The following MBD2 variants were observed in gnomAD, a reference collection of about 807,000 sequenced individuals.
MBD2 encodes methyl-CpG binding domain protein 2.
A neutral mutation model predicts 39.3 loss-of-function variants in MBD2; 9 were observed. The observed-to-expected ratio is 0.23, with a 90% confidence interval of 0.14 to 0.40. The LOEUF (loss-of-function observed/expected upper bound fraction) is 0.40. Among genes scored for constraint, MBD2 ranks in the 10% least tolerant of loss-of-function variants. The pLI, the probability that MBD2 is intolerant of heterozygous loss-of-function variation, is 1.00. For missense variants in MBD2, 458 were observed against 532.6 expected, an observed-to-expected ratio of 0.86 and a Z score of 1.38; for synonymous variants, 233 against 211.1, an observed-to-expected ratio of 1.10 and a Z score of -0.90.
chr18:54,155,943 AG>A (rs1028403743), intron 6 of MBD2, among the ~76,000 whole-genome samples: 9 of 152,340 alleles, frequency 5.9e-5, no homozygotes, highest in Admixed American at 3.9e-4. Flanking sequence ...TAAGTAACAC[AG>A]TAAATTGCGG....
At chr18:54,167,246 A>G (rs2086140759) in intron 3 of MBD2, among the ~76,000 whole-genome samples, 1 of 152,210 alleles carries the variant, frequency 6.6e-6, no homozygotes, top group Admixed American at 6.5e-5. Context: ...TCTGGGGGAC[A>G]CACAAACCCA....
At chr18:54,165,988 G>T in intron 4 of MBD2, 88 bp downstream of exon 4, 1 of 879,484 alleles carries the variant, frequency 1.1e-6, no homozygotes, top group Non-Finnish European at 1.8e-6. Context: ...CCTCCTGTCA[G>T]TCATTGCTGA....
intron 3 of MBD2, among the ~76,000 whole-genome samples, chr18:54,185,210 T>C (rs2086277614): frequency 6.6e-6 from 1 of 152,168 alleles, no homozygotes; most frequent in Non-Finnish European, 1.5e-5. Flanking sequence ...GGCTGGCTTC[T>C]GGAAGTAGGT....
intron 1 of MBD2, among the ~76,000 whole-genome samples, chr18:54,220,342 C>T (rs1484715885): frequency 4.0e-5 from 6 of 151,886 alleles, no homozygotes; most frequent in Admixed American, 3.9e-4. Flanking sequence ...ATATATGAAC[C>T]ACCACAACAC....
chr18:54,214,380 T>C (rs1423359786), intron 1 of MBD2, among the ~76,000 whole-genome samples: 1 of 151,996 alleles, frequency 6.6e-6, no homozygotes, highest in African/African-American at 2.4e-5. Context: ...AAATTTTTTG[T>C]AGGGACAGGA....
At chr18:54,203,208 A>G in intron 2 of MBD2, 1 of 1,453,076 alleles carries the variant, frequency 6.9e-7, no homozygotes, top group Non-Finnish European at 9.4e-7. Flanking sequence ...TAACATAACT[A>G]AACTGTGGTT....
chr18:54,192,819 AAT>A (rs2086331205), intron 2 of MBD2, among the ~76,000 whole-genome samples: 1 of 42,848 alleles, frequency 2.3e-5, no homozygotes, highest in African/African-American at 2.8e-4. Context: ...GTTTCTGTGC[AAT>A]AAAAAAAAAT....
chr18:54,188,913 C>T lies in MBD2; in HGVS notation c.801G>A (p.Val267=). 1 of 1,609,376 alleles carries T rather than the reference C, an allele frequency of 6.2e-7. No individual in the cohort carries two copies. The highest frequency in any genetic ancestry group is 8.5e-7 in the Non-Finnish European group (1 of 1,177,008). ...TKVTNHPSNK[V]KSDPQRMNEQ... ...CATTCATTCGTTGTGGGTCTGATTT[C>T]ACTTTATTACTAGGATGATTTGTGA... Residue 267 remains valine, a synonymous_variant, in exon 3 of 7, where the codon GTG becomes GTA. Coordinates refer to ENST00000256429, the MANE Select transcript of MBD2 (RefSeq NM_003927.5).
chr18:54,164,507 T>C lies in MBD2; in HGVS notation c.1109+16A>G, dbSNP rs1415561182. On this transcript the variant is annotated intron_variant, in intron 5 of 6. Coordinates refer to ENST00000256429, the MANE Select transcript of MBD2 (RefSeq NM_003927.5). ...GTAAAAACCCAAGTTTATGAAGTCA[T>C]GTTAAACTGCATTACCTGATGTCTT... 3.1e-6 allele frequency: 5 copies of C among 1,595,692 alleles called. No homozygotes were observed. The highest frequency in any genetic ancestry group is 3.4e-6 in the Non-Finnish European group (4 of 1,164,448).
At chr18:54,216,711 C>T (rs573447414) in intron 1 of MBD2, among the ~76,000 whole-genome samples, 1 of 152,038 alleles carries the variant, frequency 6.6e-6, no homozygotes, top group African/African-American at 2.4e-5. Flanking sequence ...ATGCATTCTT[C>T]CAGTATAAAA....
At chr18:54,190,231 T>A (rs2086311417) in intron 2 of MBD2, among the ~76,000 whole-genome samples, 1 of 152,216 alleles carries the variant, frequency 6.6e-6, no homozygotes, top group East Asian at 1.9e-4. Flanking sequence ...TTTTGTTCAA[T>A]GTCATTTTGT....
intron 2 of MBD2, among the ~76,000 whole-genome samples, chr18:54,201,628 CGAG>C (rs1180292771): frequency 4.0e-5 from 6 of 151,594 alleles, no homozygotes; most frequent in African/African-American, 1.5e-4. Context: ...TTTGGGAGGC[CGAG>C]GAGGGCAGAT....
chr18:54,160,354 T>A (rs2086086876), intron 5 of MBD2, among the ~76,000 whole-genome samples: 1 of 152,122 alleles, frequency 6.6e-6, no homozygotes, highest in Non-Finnish European at 1.5e-5. Flanking sequence ...TTGATTGACA[T>A]TCTGCGGCTA....
At chr18:54,164,502 A>C (rs757684333) in intron 5 of MBD2, 21 bp downstream of exon 5, 1 of 1,589,558 alleles carries the variant, frequency 6.3e-7, no homozygotes, top group Non-Finnish European at 8.6e-7. Context: ...AAGTTTATGA[A>C]GTCATGTTAA....
intron 3 of MBD2, among the ~76,000 whole-genome samples, chr18:54,169,929 A>G (rs1304031180): frequency 1.3e-5 from 2 of 152,228 alleles, no homozygotes; most frequent in Non-Finnish European, 2.9e-5. Flanking sequence ...ACCTTCCAGT[A>G]TATTAGAACA....
chr18:54,190,130 T>A (rs2086310738), intron 2 of MBD2, among the ~76,000 whole-genome samples: 1 of 152,230 alleles, frequency 6.6e-6, no homozygotes, highest in African/African-American at 2.4e-5. Context: ...AAATGGTAGT[T>A]CTAATTCCAG....
At chr18:54,217,476 AT>A (rs1171603471) in intron 1 of MBD2, among the ~76,000 whole-genome samples, 1 of 152,250 alleles carries the variant, frequency 6.6e-6, no homozygotes, top group Admixed American at 6.5e-5. Flanking sequence ...AGATCAATAC[AT>A]AAGAGCTGTA....
chr18:54,162,749 C>T (rs1368611510), intron 5 of MBD2, among the ~76,000 whole-genome samples: 1 of 152,138 alleles, frequency 6.6e-6, no homozygotes, highest in Admixed American at 6.5e-5. Context: ...CAAGTTGATT[C>T]CTTTCATTGA....
At chr18:54,177,827 CTTTTTTTTTTTT>C (rs34113185) in intron 3 of MBD2, among the ~76,000 whole-genome samples, 2 of 87,198 alleles carry the variant, frequency 2.3e-5, no homozygotes, top group Non-Finnish European at 4.1e-5. Flanking sequence ...TTTTTCCTCT[CTTTTTTTTTTTT>C]TTTTTTTTTT....
Sources: allele counts gnomAD v4.1 joint callset (sites outside exome capture counted in the v4.1 genomes callset), GRCh38; gene constraint gnomAD v4.1.1; transcripts MANE v1.5; gene names NCBI Gene and HGNC (gene_info 2026-07-23, HGNC 2026-07-21).